The following ADAR variants were observed in gnomAD, a reference collection of about 807,000 sequenced individuals.
The protein encoded by ADAR is adenosine deaminase RNA specific.
A neutral mutation model predicts 113.2 loss-of-function variants in ADAR; 41 were observed. The ratio of observed to expected loss-of-function variants is 0.36; its 90% CI spans 0.28 to 0.47. The LOEUF (loss-of-function observed/expected upper bound fraction) is 0.47. ADAR is among the 20% of genes least tolerant of loss of function. The pLI, the probability that ADAR is intolerant of heterozygous loss-of-function variation, is 1.00. For missense variants in ADAR, 1,242 were observed against 1,540.9 expected, an observed-to-expected ratio of 0.81 and a Z score of 3.25; for synonymous variants, 605 against 572.6, an observed-to-expected ratio of 1.06 and a Z score of -0.81.
chr1:154,616,531 G>C (rs1250489002), intron 1 of ADAR, among the ~76,000 whole-genome samples: 1 of 152,014 alleles, frequency 6.6e-6, no homozygotes, highest in African/African-American at 2.4e-5. Context: ...AACACTTCTG[G>C]AGGAAGAGCT....
chr1:154,589,876 C>T lies in ADAR; in HGVS notation c.2549G>A (p.Arg850Gln), dbSNP rs750048114. The T allele has an allele frequency of 2.4e-5, 38 of 1,613,890 alleles. No homozygotes were observed. Among genetic ancestry groups the T allele is most frequent in the East Asian group, 1.3e-4 (6 of 44,874 alleles). The change falls in exon 8 of 15, where the codon CGG becomes CAG. Residue 850 changes from arginine (R) to glutamine (Q), a missense_variant. By Grantham distance (43) the Arg-to-Gln change is conservative. This residue lies in a region of ADAR where 780 missense variants were observed against 1,057.9 expected (regional missense o/e 0.74). Transcript: ENST00000368474. ...FHDQIAMLSHRCFNTLTNSFQ... is the reference protein window; with the variant it reads ...FHDQIAMLSHQCFNTLTNSFQ... ...GCTGTTAGTCAGAGTGTTGAAGCAC[C>T]GGTGGCTCAGCATGGCTATCTGGTC...
Position 154,599,707 on chromosome 1 carries a change from GCT to G in ADAR, c.1602-1124_1602-1123del, listed in dbSNP as rs567927997. 3.3e-3 allele frequency among the ~76,000 whole-genome samples: 502 copies of G among 152,310 alleles called. 1 individual carries two copies. The highest frequency in any genetic ancestry group is 0.011 in the African/African-American group (464 of 41,572). On this transcript the variant is annotated intron_variant, in intron 2 of 14. Transcript: ENST00000368474. ...GCAGCCACTCAGCTTCAGTGGTTTT[GCT>G]CTCTGTTATGCCCTTCAGAAGCTCC...
At chr1:154,626,903 A>G (rs917257367) in intron 1 of ADAR, among the ~76,000 whole-genome samples, 1 of 152,212 alleles carries the variant, frequency 6.6e-6, no homozygotes, top group African/African-American at 2.4e-5. Flanking sequence ...GATGGGAACA[A>G]GGCTTCTCTG....
rs773444926 is a variant in ADAR, at chr1:154,602,162, A to G, written c.480T>C (p.Asp160=). The G allele has an allele frequency of 6.2e-7, 1 of 1,614,176 alleles. No individual in the cohort carries two copies. Among genetic ancestry groups the G allele is most frequent in the Non-Finnish European group, 8.5e-7 (1 of 1,180,036 alleles). The change falls in exon 2 of 15, where the codon GAT becomes GAC. Residue 160 remains aspartate, a synonymous_variant. Transcript: ENST00000368474. The part of the protein sequence containing the change: ...LGEGKATTAH[D]LSGKLGTPKK... ...TCGGAGTCCCAAGTTTCCCAGACAG[A>G]TCATGTGCTGTGGTGGCCTTCCCTT...
chr1:154,610,824 G>GAAAAAAAAAAAAAAAAAAAAAAAAAA (rs1298389364), upstream of ADAR, among the ~76,000 whole-genome samples: 2 of 65,204 alleles, frequency 3.1e-5, no homozygotes, highest in East Asian at 5.5e-4. Flanking sequence ...AAAAAAAAAA[G>GAAAAAAAAAAAAAAAAAAAAAAAAAA]AAAAAAAAAA....
At chr1:154,592,079 C>T (rs1697185031) in intron 6 of ADAR, among the ~76,000 whole-genome samples, 1 of 152,168 alleles carries the variant, frequency 6.6e-6, no homozygotes, top group South Asian at 2.1e-4. Context: ...CAACTAGAAT[C>T]CTTTAGAGCT....
rs1467724964 is a variant in ADAR, at chr1:154,601,201, A to C, written c.1441T>G (p.Ser481Ala). 6.2e-7 allele frequency: 1 copy of C among 1,614,198 alleles called. No individual in the cohort carries two copies. The change falls in exon 2 of 15, where the codon TCC becomes GCC. Residue 481 changes from serine to alanine, a missense_variant. Coordinates refer to ENST00000368474, the MANE Select transcript of ADAR (RefSeq NM_001111.5). This position sits in a 1 kb window ranked among gnomAD's most constrained non-coding sequence, Gnocchi z 4.7. ...GEFRAIMEMP[S>A]FYSHGLPRCS... Reference sequence around the variant, plus strand: ...CGTGGCAAGCCATGACTGTAGAAGGAGGGCATCTCCATGATGGCTCGAAAC... The same window carrying C: ...CGTGGCAAGCCATGACTGTAGAAGGCGGGCATCTCCATGATGGCTCGAAAC...
chr1:154,586,843 T>C (rs1464788237), intron 11 of ADAR, among the ~76,000 whole-genome samples: 4 of 151,858 alleles, frequency 2.6e-5, no homozygotes, highest in Admixed American at 2.6e-4. Flanking sequence ...AGAGAGCCAG[T>C]GTGGACAGAG....
rs564449926 is a variant in ADAR at position 154,591,500 on chromosome 1, A to G, written c.2271-1091T>C. Among the ~76,000 whole-genome samples the G allele has an allele frequency of 5.3e-5, 8 of 152,370 alleles. No individual in the cohort carries two copies. In the South Asian group the frequency reaches 1.7e-3, roughly 32 times the overall value. ...GGGGTAAGGAATGGATCTTGGGCGC[A>G]TGAGCTGCGCTGACAATAAAGTGCC... On this transcript the variant is annotated intron_variant, in intron 6 of 14. Coordinates refer to ENST00000368474, the MANE Select transcript of ADAR (RefSeq NM_001111.5).
chr1:154,589,471 G>A lies in ADAR; in HGVS notation c.2669-9C>T, dbSNP rs777184958. The A allele has an allele frequency of 1.7e-5, 27 of 1,607,018 alleles. No homozygotes were observed. The highest frequency in any genetic ancestry group is 2.1e-5 in the Non-Finnish European group (25 of 1,173,678). Reference sequence around the variant, plus strand: ...TTTCACACAGCGATTCCCTAGGAAGGTGTTTAAAACAGAAATAGAATAATG... The same window carrying A: ...TTTCACACAGCGATTCCCTAGGAAGATGTTTAAAACAGAAATAGAATAATG... On this transcript the variant is annotated splice_polypyrimidine_tract_variant and intron_variant, in intron 8 of 14. Coordinates refer to ENST00000368474, the MANE Select transcript of ADAR (RefSeq NM_001111.5).
Position 154,583,310 on chromosome 1 carries a change from T to A in ADAR, c.*1496A>T, listed in dbSNP as rs890105923. 1 of 152,060 alleles carries A rather than the reference T, an allele frequency of 6.6e-6. No homozygotes were observed. The highest frequency in any genetic ancestry group is 2.4e-5 in the African/African-American group (1 of 41,364). 9.4% of individuals were successfully genotyped at this position (152,060 alleles called of 1,614,324 possible). On this transcript the variant is annotated 3_prime_UTR_variant, in exon 15 of 15. Coordinates refer to ENST00000368474, the MANE Select transcript of ADAR (RefSeq NM_001111.5). ...GCTCTTCCCTGCTCTGCTCTTGGAG[T>A]CATGACCAACACTCTAAAAGCCAAC...
rs939759749 is a variant in ADAR at position 154,596,879 on chromosome 1, C to T, written c.2196G>A (p.Leu732=). ...YLNTNPVGGL[L]EYARSHGFAA... Reference sequence around the variant, plus strand: ...CAAAGCCATGGGAGCGGGCGTACTCCAAAAGGCCACCCACAGGGTTGGTGT... The same window carrying T: ...CAAAGCCATGGGAGCGGGCGTACTCTAAAAGGCCACCCACAGGGTTGGTGT... The change falls in exon 6 of 15, where the codon TTG becomes TTA. Residue 732 remains leucine, a synonymous_variant. Transcript: ENST00000368474. 1.9e-6 allele frequency: 3 copies of T among 1,614,040 alleles called. No individual in the cohort carries two copies. Among genetic ancestry groups the T allele is most frequent in the East Asian group, 2.2e-5 (1 of 44,898 alleles).
chr1:154,587,598 C>T (rs148485786), intron 11 of ADAR, among the ~76,000 whole-genome samples: 88 of 152,226 alleles, frequency 5.8e-4, no homozygotes, highest in African/African-American at 2.0e-3. Context: ...TGACTGCTGA[C>T]GTGGCCTGAA....
intron 3 of ADAR, 77 bp from the exon 4 acceptor site, chr1:154,598,053 A>T (rs2101624728): frequency 6.6e-7 from 1 of 1,521,188 alleles, no homozygotes; most frequent in South Asian, 1.2e-5. Flanking sequence ...AGGGATGGGG[A>T]TGGGGGACTT....
chr1:154,593,006 A>G (rs1179748808), intron 6 of ADAR, among the ~76,000 whole-genome samples: 1 of 151,876 alleles, frequency 6.6e-6, no homozygotes, highest in Non-Finnish European at 1.5e-5. Flanking sequence ...GTGGTGGCAG[A>G]TGCCTGTAAT....
chr1:154,589,335 C>T (rs377109823), intron 9 of ADAR, 34 bp downstream of exon 9: 53 of 1,571,460 alleles, frequency 3.4e-5, no homozygotes, highest in South Asian at 1.0e-4. Flanking sequence ...TCTCCACAGC[C>T]GGGCAGCCGG....
chr1:154,608,021 AT>A lies in ADAR; in HGVS notation c.-16del. ...CGCGGATTCATTGCGCCCGCGAGGC[AT>A]TGCCCGGCCCGACCCGCCGGCGGCA... On this transcript the variant is annotated 5_prime_UTR_variant, in exon 1 of 15. It adds an upstream start codon to the 5' untranslated region. Transcript: ENST00000368474. 3 of 1,587,000 alleles carry A rather than the reference AT, an allele frequency of 1.9e-6. No individual in the cohort carries two copies. Among genetic ancestry groups the A allele is most frequent in the Non-Finnish European group, 2.6e-6 (3 of 1,166,194 alleles).
chr1:154,598,361 G>C, intron 3 of ADAR, 41 bp downstream of exon 3: 2 of 1,603,022 alleles, frequency 1.2e-6, no homozygotes, highest in Non-Finnish European at 8.5e-7. Flanking sequence ...TCCAGACACT[G>C]ACAGGGAACT....
rs566390171 is a variant in ADAR at position 154,584,983 on chromosome 1, G to C, written c.3504C>G (p.Leu1168=). The C allele has an allele frequency of 9.5e-5, 154 of 1,614,170 alleles. No individual in the cohort carries two copies. In the South Asian group the frequency reaches 1.4e-3, roughly 15 times the overall value. The change falls in exon 15 of 15, where the codon CTC becomes CTG. Residue 1168 remains leucine (L), a synonymous_variant. Transcript: ENST00000368474. ...KKNIFLLFKK[L]CSFRYRRDLL... Reference sequence around the variant, plus strand: ...GATCCCTGCGGTAACGGAAGGAGCAGAGCTTCTTAAATAGAAGAAAAATGT... The same window carrying C: ...GATCCCTGCGGTAACGGAAGGAGCACAGCTTCTTAAATAGAAGAAAAATGT...
Sources: allele counts gnomAD v4.1 joint callset (sites outside exome capture counted in the v4.1 genomes callset), GRCh38; gene constraint gnomAD v4.1.1; regional missense constraint gnomAD v4.1.1; non-coding constraint Gnocchi (gnomAD v3.1); transcripts MANE v1.5; gene names NCBI Gene and HGNC (gene_info 2026-07-23, HGNC 2026-07-21).